Variants in RGS7 observed in about 807,000 individuals in gnomAD.
The protein encoded by RGS7 is regulator of G-protein signaling 7.
RGS7 carries 27 observed loss-of-function variants against 81.1 expected under a neutral mutation model. The ratio of observed to expected loss-of-function variants is 0.33; its 90% CI spans 0.25 to 0.46. The LOEUF (loss-of-function observed/expected upper bound fraction) is 0.46, where lower values mean the gene tolerates loss of function less well. Among genes scored for constraint, RGS7 ranks in the 20% least tolerant of loss-of-function variants. The pLI is 1.00. For synonymous variants in RGS7, 208 were observed against 207.7 expected, an observed-to-expected ratio of 1.00 and a Z score of -0.01; for missense variants, 396 against 607.4, an observed-to-expected ratio of 0.65 and a Z score of 3.66.
intron 6 of RGS7, among the ~76,000 whole-genome samples, chr1:240,870,840 G>A (rs529026569): frequency 1.7e-4 from 26 of 152,310 alleles, no homozygotes; most frequent in Admixed American, 5.2e-4. Context: ...GAAACAATCT[G>A]TTCATGTACA....
rs535005588 is a variant in RGS7, at chr1:241,025,125, G to A, written c.176-41996C>T. 3.3e-5 allele frequency among the ~76,000 whole-genome samples: 5 copies of A among 152,264 alleles called. 1 individual carries two copies. In the East Asian group the frequency reaches 9.7e-4, roughly 29 times the overall value. The stretch of plus-strand genomic sequence containing the variant: ...GAGAGACAAATTTCAATTTATGAAA[G>A]GCAAAGTATTTTAGGTTATGTAATA... On this transcript the variant is annotated intron_variant, in intron 3 of 18. Transcript: ENST00000440928.
intron 2 of RGS7, among the ~76,000 whole-genome samples, chr1:241,306,728 CTT>C (rs1242589652): frequency 6.6e-6 from 1 of 151,902 alleles, no homozygotes; most frequent in African/African-American, 2.4e-5. Context: ...CCCTCACACA[CTT>C]ATGCACACGT....
intron 2 of RGS7, among the ~76,000 whole-genome samples, chr1:241,274,680 T>C (rs999357896): frequency 2.0e-5 from 3 of 152,220 alleles, no homozygotes; most frequent in African/African-American, 7.2e-5. Context: ...TGGTTCACTA[T>C]TCACGACTTT....
At chr1:241,345,228 C>T (rs2082812987) in intron 2 of RGS7, among the ~76,000 whole-genome samples, 1 of 152,112 alleles carries the variant, frequency 6.6e-6, no homozygotes, top group South Asian at 2.1e-4. Context: ...ACATTGAGGC[C>T]TATCGGAGGG....
intron 3 of RGS7, among the ~76,000 whole-genome samples, chr1:241,004,125 G>T (rs962849389): frequency 6.6e-6 from 1 of 152,202 alleles, no homozygotes; most frequent in African/African-American, 2.4e-5. Flanking sequence ...GCCTACTAAG[G>T]CAAGCTGTGT....
At chr1:241,221,006 A>AGGAAGGAAGGAAGG (rs1553289481) in intron 2 of RGS7, among the ~76,000 whole-genome samples, 32 of 84,648 alleles carry the variant, frequency 3.8e-4, no homozygotes, top group African/African-American at 1.2e-3. Context: ...AGAGAGAGAG[A>AGGAAGGAAGGAAGG]AAGGAAGGAA....
intron 6 of RGS7, among the ~76,000 whole-genome samples, chr1:240,892,600 T>G (rs929612893): frequency 6.6e-6 from 1 of 152,158 alleles, no homozygotes; most frequent in Non-Finnish European, 1.5e-5. Flanking sequence ...CCATACATAA[T>G]AAACTGGAAC....
chr1:241,185,125 TAACATTA>T (rs1316191420), intron 2 of RGS7, among the ~76,000 whole-genome samples: 1 of 152,196 alleles, frequency 6.6e-6, no homozygotes, highest in Non-Finnish European at 1.5e-5. Context: ...ATAGCATTTT[TAACATTA>T]AACTTTGAGA....
intron 2 of RGS7, among the ~76,000 whole-genome samples, chr1:241,253,843 A>G (rs1360553074): frequency 6.6e-6 from 1 of 152,176 alleles, no homozygotes; most frequent in East Asian, 1.9e-4. Flanking sequence ...AGACAGAAAA[A>G]GAGCAGTCAG....
intron 2 of RGS7, among the ~76,000 whole-genome samples, chr1:241,195,960 C>T (rs1396220873): frequency 1.3e-5 from 2 of 151,888 alleles, no homozygotes; most frequent in African/African-American, 4.8e-5. Flanking sequence ...AGGATTTTTC[C>T]AAACTGATCA....
At chr1:240,842,559 G>A (rs1658258839) in intron 9 of RGS7, among the ~76,000 whole-genome samples, 1 of 152,060 alleles carries the variant, frequency 6.6e-6, no homozygotes, top group South Asian at 2.1e-4. Flanking sequence ...TGGAGGAAAA[G>A]CAAAAAGCTA....
At chr1:240,921,196 A>G (rs1673474010) in intron 6 of RGS7, among the ~76,000 whole-genome samples, 1 of 152,226 alleles carries the variant, frequency 6.6e-6, no homozygotes, top group African/African-American at 2.4e-5. Context: ...ATTATTGGTT[A>G]TAAAAATGAG....
chr1:241,221,037 G>A (rs865972595), intron 2 of RGS7, among the ~76,000 whole-genome samples: 32 of 80,176 alleles, frequency 4.0e-4, no homozygotes, highest in Admixed American at 1.8e-3. Flanking sequence ...AAGGAAGGAA[G>A]GAAAAGAAAG....
At chr1:241,176,954 A>C (rs112075961) in intron 2 of RGS7, among the ~76,000 whole-genome samples, 3,036 of 152,238 alleles carry the variant, frequency 0.02, 128 homozygotes, top group African/African-American at 0.069. Flanking sequence ...GTCTCACCAA[A>C]GTGAAAAACT....
At chr1:241,187,495 T>C (rs1203732821) in intron 2 of RGS7, among the ~76,000 whole-genome samples, 2 of 152,186 alleles carry the variant, frequency 1.3e-5, no homozygotes, top group Admixed American at 6.5e-5. Flanking sequence ...AAGTATTATT[T>C]TGAGGAAAGA....
chr1:240,998,457 G>A, intron 3 of RGS7: 1 of 921,070 alleles, frequency 1.1e-6, no homozygotes, highest in South Asian at 1.4e-5. Flanking sequence ...TCGTCAAAAA[G>A]ACCAAAGCCC....
intron 2 of RGS7, among the ~76,000 whole-genome samples, chr1:241,313,485 A>C (rs1333828343): frequency 6.6e-6 from 1 of 152,164 alleles, no homozygotes; most frequent in Non-Finnish European, 1.5e-5. Flanking sequence ...CCTGTGCTCT[A>C]TCAATGGAGC....
At chr1:241,266,578 T>C (rs2077605492) in intron 2 of RGS7, among the ~76,000 whole-genome samples, 1 of 152,224 alleles carries the variant, frequency 6.6e-6, no homozygotes, top group Admixed American at 6.5e-5. Flanking sequence ...ATTCACTGCT[T>C]GAGCTTTTCC....
intron 3 of RGS7, among the ~76,000 whole-genome samples, chr1:241,081,567 C>CAG (rs922157495): frequency 7.2e-5 from 11 of 152,202 alleles, no homozygotes; most frequent in African/African-American, 2.4e-4. Context: ...AGTCAAGAAA[C>CAG]AAAGTTACAA....
Sources: allele counts gnomAD v4.1 joint callset (sites outside exome capture counted in the v4.1 genomes callset), GRCh38; gene constraint gnomAD v4.1.1; transcripts MANE v1.5; gene names NCBI Gene and HGNC (gene_info 2026-07-23, HGNC 2026-07-21).